Variants in NEDD9 observed in about 807,000 individuals in gnomAD.
NEDD9 encodes neural precursor cell expressed, developmentally down-regulated 9, also known as enhancer of filamentation 1.
NEDD9 carries 26 observed loss-of-function variants against 76.6 expected under a neutral mutation model. That is an observed-to-expected ratio of 0.34 (90% CI 0.25 to 0.47). NEDD9 has a LOEUF of 0.47. Ranked by LOEUF, NEDD9 falls within the 20% of genes least tolerant of loss-of-function variation. The pLI, the probability that NEDD9 is intolerant of heterozygous loss-of-function variation, is 1.00. For synonymous variants in NEDD9, 392 were observed against 414.2 expected (o/e 0.95, Z 0.65); for missense variants, 937 against 1,058.5 (o/e 0.89, Z 1.59).
intron 1 of NEDD9, among the ~76,000 whole-genome samples, chr6:11,341,991 T>A (rs1238606265): frequency 6.6e-6 from 1 of 152,088 alleles, no homozygotes. Context: ...TTTTAGTAGA[T>A]AAATGGGAAC....
At chr6:11,193,160 A>G (rs1038701000) in intron 3 of NEDD9, among the ~76,000 whole-genome samples, 6 of 146,588 alleles carry the variant, frequency 4.1e-5, no homozygotes, top group African/African-American at 1.5e-4. Flanking sequence ...AAAATTAGTC[A>G]GGTATGGTGG....
chr6:11,307,008 A>T (rs1263755196), intron 2 of NEDD9, among the ~76,000 whole-genome samples: 1 of 152,222 alleles, frequency 6.6e-6, no homozygotes, highest in Non-Finnish European at 1.5e-5. Flanking sequence ...AAAAACCCTG[A>T]TATTTAAACC....
At chr6:11,194,207 C>T (rs1394720008) in intron 2 of NEDD9, among the ~76,000 whole-genome samples, 1 of 152,044 alleles carries the variant, frequency 6.6e-6, no homozygotes, top group Non-Finnish European at 1.5e-5. Flanking sequence ...AAAAAAAATC[C>T]CTAAAATATC....
intron 1 of NEDD9, among the ~76,000 whole-genome samples, chr6:11,373,813 G>A (rs1762923460): frequency 6.6e-6 from 1 of 152,130 alleles, no homozygotes; most frequent in Non-Finnish European, 1.5e-5. Flanking sequence ...AAATGAGTAG[G>A]CTTTGAGCAA....
chr6:11,315,775 G>A (rs1443154781), intron 2 of NEDD9, among the ~76,000 whole-genome samples: 1 of 152,218 alleles, frequency 6.6e-6, no homozygotes, highest in African/African-American at 2.4e-5. Context: ...TAAAGAGAGT[G>A]AGATGAAAAG....
intron 3 of NEDD9, among the ~76,000 whole-genome samples, chr6:11,281,016 A>G (rs139613987): frequency 0.017 from 2,649 of 152,362 alleles, 73 homozygotes; most frequent in African/African-American, 0.059. Flanking sequence ...ATAAGCATTC[A>G]ATGGTTGCTC....
At position 11,300,381 on chromosome 6, in the gene NEDD9, G is replaced by A. The variant is rs536528438; in HGVS notation, c.12+5611C>T. ...GACTATAAGAAAAGACCAAATCTAC[G>A]TTTGATTGGTGTACCTGAAAGTGAC... On this transcript the variant is annotated intron_variant, in intron 3 of 3. Coordinates refer to the NEDD9 transcript ENST00000397378. 3.9e-5 allele frequency among the ~76,000 whole-genome samples: 6 copies of A among 152,300 alleles called. No homozygotes were observed. In the South Asian group the frequency reaches 6.2e-4, roughly 16 times the overall value.
intron 3 of NEDD9, among the ~76,000 whole-genome samples, chr6:11,254,089 C>T (rs1759960321): frequency 6.6e-6 from 1 of 151,834 alleles, no homozygotes. Flanking sequence ...TATATTTGTG[C>T]AAAAATGTAT....
intron 2 of NEDD9, among the ~76,000 whole-genome samples, chr6:11,310,394 C>T (rs2113436384): frequency 6.6e-6 from 1 of 152,208 alleles, no homozygotes; most frequent in Non-Finnish European, 1.5e-5. Context: ...GCCGTTTGTC[C>T]TTTTAATGCA....
intron 2 of NEDD9, among the ~76,000 whole-genome samples, chr6:11,196,859 C>T (rs1203753135): frequency 1.3e-5 from 2 of 152,062 alleles, no homozygotes; most frequent in East Asian, 1.9e-4. Flanking sequence ...TCAGGGAGCT[C>T]GAAGTCTTCT....
chr6:11,223,879 A>G (rs1759224799), intron 1 of NEDD9, among the ~76,000 whole-genome samples: 1 of 152,232 alleles, frequency 6.6e-6, no homozygotes, highest in Non-Finnish European at 1.5e-5. Context: ...CATCTTAGAC[A>G]GTTTCCTGCA....
intron 1 of NEDD9, among the ~76,000 whole-genome samples, chr6:11,355,865 C>A (rs534867074): frequency 1.3e-5 from 2 of 151,514 alleles, no homozygotes; most frequent in East Asian, 1.9e-4. Flanking sequence ...GGACTACAGG[C>A]ACCCGCCACC....
At chr6:11,205,876 C>A (rs1244150581) in intron 2 of NEDD9, among the ~76,000 whole-genome samples, 1 of 152,196 alleles carries the variant, frequency 6.6e-6, no homozygotes, top group African/African-American at 2.4e-5. Flanking sequence ...GATCTACCCA[C>A]TTCGGCCTTC....
chr6:11,207,348 G>GTGTGTA (rs903709514), intron 2 of NEDD9: 6 of 152,226 alleles, frequency 3.9e-5, no homozygotes, highest in Admixed American at 2.0e-4. Context: ...GTGTCTGTGT[G>GTGTGTA]TGTGTATGTG....
At chr6:11,271,513 C>T (rs1242730214) in intron 3 of NEDD9, 1 of 152,264 alleles carries the variant, frequency 6.6e-6, no homozygotes, top group Non-Finnish European at 1.5e-5. Context: ...GGGCAACTTT[C>T]CAGCAAGAGA....
chr6:11,195,734 C>T (rs559352699), intron 2 of NEDD9, among the ~76,000 whole-genome samples: 2 of 152,350 alleles, frequency 1.3e-5, no homozygotes, highest in Admixed American at 6.5e-5. Context: ...GTGGCTCATG[C>T]CTGTAATCCC....
chr6:11,376,703 C>G (rs1364330074), intron 1 of NEDD9, among the ~76,000 whole-genome samples: 1 of 152,184 alleles, frequency 6.6e-6, no homozygotes, highest in Non-Finnish European at 1.5e-5. Context: ...AAATTTGCAG[C>G]CTGGCTCTGT....
rs59959052 is a variant in NEDD9 at position 11,203,975 on chromosome 6, T to TAAA, written c.459+9303_459+9305dup. Among the ~76,000 whole-genome samples the TAAA allele has an allele frequency of 7.7e-4, 115 of 149,440 alleles. 1 individual carries two copies. In the East Asian group the frequency reaches 9.1e-3, roughly 12 times the overall value. ...AATCAATGCTTGAGTATCTTTTCTT[T>TAAA]AAAAAAAAAAAAACTCTTGATGTCA... is the stretch of plus-strand genomic sequence containing the variant. On this transcript the variant is annotated intron_variant, in intron 2 of 6. Transcript: ENST00000379446.
intron 1 of NEDD9, among the ~76,000 whole-genome samples, chr6:11,223,775 T>C (rs1441424556): frequency 6.6e-6 from 1 of 152,166 alleles, no homozygotes; most frequent in Non-Finnish European, 1.5e-5. Context: ...TATTTCAAAA[T>C]GGGCATGGCT....
Sources: allele counts gnomAD v4.1 joint callset (sites outside exome capture counted in the v4.1 genomes callset), GRCh38; gene constraint gnomAD v4.1.1; transcripts MANE v1.5; gene names NCBI Gene and HGNC (gene_info 2026-07-23, HGNC 2026-07-21).